The following EIPR1 variants were observed in gnomAD, a reference collection of about 807,000 sequenced individuals.
EIPR1 encodes the protein EARP complex and GARP complex interacting protein 1, also known as EARP and GARP complex-interacting protein 1.
EIPR1 carries 25 observed loss-of-function variants against 48.1 expected under a neutral mutation model. The ratio of observed to expected loss-of-function variants is 0.52; its 90% CI spans 0.38 to 0.73. EIPR1 has a LOEUF of 0.73. EIPR1 is among the 30% of genes least tolerant of loss of function. EIPR1 has a pLI of 0.00. For synonymous variants in EIPR1, 204 were observed against 201.9 expected, an observed-to-expected ratio of 1.01 and a Z score of -0.09; for missense variants, 415 against 506.2, an observed-to-expected ratio of 0.82 and a Z score of 1.73.
intron 3 of EIPR1, among the ~76,000 whole-genome samples, chr2:3,261,243 A>G (rs931903562): frequency 2.0e-5 from 3 of 152,144 alleles, no homozygotes; most frequent in Admixed American, 2.0e-4. Flanking sequence ...CTAGGGGTGA[A>G]ACAGACAAGG....
At chr2:3,291,150 G>A (rs561043459) in intron 3 of EIPR1, among the ~76,000 whole-genome samples, 16 of 152,310 alleles carry the variant, frequency 1.1e-4, no homozygotes, top group African/African-American at 3.6e-4. Context: ...GATGCCTGGG[G>A]GTGGGGCGAG....
At chr2:3,217,293 A>T (rs1665672160) in intron 4 of EIPR1, among the ~76,000 whole-genome samples, 1 of 152,260 alleles carries the variant, frequency 6.6e-6, no homozygotes, top group Admixed American at 6.5e-5. Flanking sequence ...ACTGTATTAC[A>T]GTTTGTGTAA....
chr2:3,305,337 T>C (rs1668905106), intron 3 of EIPR1, among the ~76,000 whole-genome samples: 1 of 136,502 alleles, frequency 7.3e-6, no homozygotes, highest in Non-Finnish European at 1.6e-5. Context: ...AGTTCAGCCC[T>C]CCACTTCCAT....
chr2:3,304,698 C>G (rs1439358440), intron 3 of EIPR1, among the ~76,000 whole-genome samples: 5 of 146,664 alleles, frequency 3.4e-5, no homozygotes, highest in Non-Finnish European at 6.0e-5. Flanking sequence ...CAACCCTCCA[C>G]TCCCGTCCAA....
chr2:3,359,790 T>C (rs938784568), intron 1 of EIPR1, among the ~76,000 whole-genome samples: 1 of 152,228 alleles, frequency 6.6e-6, no homozygotes, highest in East Asian at 1.9e-4. Flanking sequence ...CAAATTTTTA[T>C]AGTATAATAT....
At chr2:3,200,507 C>T (rs1346496883) in intron 5 of EIPR1, among the ~76,000 whole-genome samples, 1 of 152,134 alleles carries the variant, frequency 6.6e-6, no homozygotes, top group Non-Finnish European at 1.5e-5. Context: ...AATTGCATTC[C>T]TGCTGTGTGG....
chr2:3,269,896 G>A (rs994401637), intron 3 of EIPR1, among the ~76,000 whole-genome samples: 29 of 152,206 alleles, frequency 1.9e-4, no homozygotes, highest in African/African-American at 6.8e-4. Flanking sequence ...CCCAGCACGC[G>A]AATGAAGAGG....
intron 3 of EIPR1, among the ~76,000 whole-genome samples, chr2:3,289,717 C>T (rs1456597979): frequency 6.6e-6 from 1 of 152,244 alleles, no homozygotes; most frequent in African/African-American, 2.4e-5. Context: ...CCACAGCCAC[C>T]AGCTTCAGCA....
At chr2:3,285,002 G>T (rs1668135490) in intron 3 of EIPR1, among the ~76,000 whole-genome samples, 1 of 152,168 alleles carries the variant, frequency 6.6e-6, no homozygotes, top group African/African-American at 2.4e-5. Flanking sequence ...CATTGTACAA[G>T]GGCAAGATAG....
At chr2:3,330,693 G>A (rs886193915) in intron 3 of EIPR1, among the ~76,000 whole-genome samples, 6 of 148,222 alleles carry the variant, frequency 4.0e-5, no homozygotes, top group African/African-American at 1.3e-4. Flanking sequence ...CAGTGTAAAC[G>A]GAGGCAGGTA....
intron 4 of EIPR1, among the ~76,000 whole-genome samples, chr2:3,241,357 C>T (rs1015497886): frequency 6.6e-6 from 1 of 152,152 alleles, no homozygotes; most frequent in Non-Finnish European, 1.5e-5. Context: ...ATGGGTGATA[C>T]ATCTGGAAAT....
Position 3,194,166 on chromosome 2 carries a change from G to A in EIPR1, c.654C>T (p.Ser218=), listed in dbSNP as rs1664712638. 3 of 1,613,276 alleles carry A rather than the reference G, an allele frequency of 1.9e-6. No individual in the cohort carries two copies. Among genetic ancestry groups the A allele is most frequent in the Non-Finnish European group, 8.5e-7 (1 of 1,179,566 alleles). The change falls in exon 7 of 9, where the codon AGC becomes AGT. Residue 218 remains serine (S), a splice_region_variant and synonymous_variant. Coordinates refer to ENST00000382125, the MANE Select transcript of EIPR1 (RefSeq NM_003310.5). ...TLRGWDTRSM[S]QIYCIENAHG... is the part of the protein sequence containing the mutation. Reference sequence around the variant, plus strand: ...GGGCATTCTCTATGCAGTAGATCTGGCTGAGGGAGAAGGAAGAACAGCAAA... The same window carrying A: ...GGGCATTCTCTATGCAGTAGATCTGACTGAGGGAGAAGGAAGAACAGCAAA...
At position 3,354,555 on chromosome 2, in the gene EIPR1, T is replaced by G; in HGVS notation, c.121A>C (p.Asn41His). Residue 41 changes from asparagine (N) to histidine (H), a missense_variant, in exon 2 of 9, where the codon AAT becomes CAT. Transcript: ENST00000382125. ...LVGTQSLKYDNQIHIIDFDDE... is the reference protein window; with the variant it reads ...LVGTQSLKYDHQIHIIDFDDE... ...CATTTGTCAAAAATAGTTACCTGAT[T>G]ATCATATTTAAGAGACTGCGTCCCA... 1 of 1,613,934 alleles carries G rather than the reference T, an allele frequency of 6.2e-7. No homozygotes were observed. Among genetic ancestry groups the G allele is most frequent in the Non-Finnish European group, 8.5e-7 (1 of 1,179,844 alleles).
chr2:3,276,290 T>C (rs750061641), intron 3 of EIPR1, among the ~76,000 whole-genome samples: 4 of 152,262 alleles, frequency 2.6e-5, no homozygotes, highest in Non-Finnish European at 4.4e-5. Flanking sequence ...AATTAGCTAT[T>C]CTGGTGCATA....
intron 1 of EIPR1, among the ~76,000 whole-genome samples, chr2:3,366,698 G>A (rs1000206642): frequency 4.6e-5 from 7 of 152,292 alleles, no homozygotes; most frequent in African/African-American, 1.7e-4. Context: ...CCAACATAGA[G>A]GGTAATTAAG....
chr2:3,278,395 G>A (rs935724548), intron 3 of EIPR1, among the ~76,000 whole-genome samples: 2 of 152,166 alleles, frequency 1.3e-5, no homozygotes, highest in African/African-American at 2.4e-5. Context: ...GGAGCCAGGG[G>A]AACCTGCCTT....
rs773131324 is a variant in EIPR1 at position 3,279,472 on chromosome 2, T to A, written c.260-22017A>T. On this transcript the variant is annotated intron_variant, in intron 3 of 8. Coordinates refer to ENST00000382125, the MANE Select transcript of EIPR1 (RefSeq NM_003310.5). Reference sequence around the variant, plus strand: ...CAGGCAAGGTCGGAATCCCCGCTTGTGGCCTGCTGGCTGGGATCCTGGGCA... The same window carrying A: ...CAGGCAAGGTCGGAATCCCCGCTTGAGGCCTGCTGGCTGGGATCCTGGGCA... Among the ~76,000 whole-genome samples, 182 of 152,220 alleles carry A rather than the reference T, an allele frequency of 1.2e-3. 3 individuals carry two copies. Among genetic ancestry groups the A allele is most frequent in the Non-Finnish European group, 2.9e-4 (20 of 68,046 alleles).
intron 1 of EIPR1, among the ~76,000 whole-genome samples, chr2:3,358,170 T>C (rs941502079): frequency 4.6e-5 from 7 of 152,194 alleles, no homozygotes; most frequent in African/African-American, 1.7e-4. Flanking sequence ...GTGTTCTTTC[T>C]GGTGTTTTGA....
intron 4 of EIPR1, among the ~76,000 whole-genome samples, chr2:3,221,864 A>G (rs1200623842): frequency 6.6e-6 from 1 of 152,262 alleles, no homozygotes; most frequent in African/African-American, 2.4e-5. Context: ...TTATAGAGTC[A>G]GGTGCACATG....
Sources: allele counts gnomAD v4.1 joint callset (sites outside exome capture counted in the v4.1 genomes callset), GRCh38; gene constraint gnomAD v4.1.1; transcripts MANE v1.5; gene names NCBI Gene and HGNC (gene_info 2026-07-23, HGNC 2026-07-21).